The following SLIT2 variants were observed in gnomAD, a reference collection of about 807,000 sequenced individuals.
The protein encoded by SLIT2 is slit homolog 2 protein.
SLIT2 carries 41 observed loss-of-function variants against 185.7 expected under a neutral mutation model. That is an observed-to-expected ratio of 0.22 (90% confidence interval 0.17 to 0.29). SLIT2 has a LOEUF of 0.29. Among genes scored for constraint, SLIT2 ranks in the 10% least tolerant of loss-of-function variants. The pLI is 1.00. For missense variants in SLIT2, 1,571 were observed against 1,909.0 expected, an observed-to-expected ratio of 0.82 and a Z score of 3.30; for synonymous variants, 693 against 680.2, an observed-to-expected ratio of 1.02 and a Z score of -0.29.
Position 20,531,978 on chromosome 4 carries a change from C to A in SLIT2, c.1614-6C>A, listed in dbSNP as rs768914466. The A allele has an allele frequency of 1.3e-6, 2 of 1,544,420 alleles. No homozygotes were observed. Among genetic ancestry groups the A allele is most frequent in the Admixed American group, 4.4e-5 (2 of 45,488 alleles). On this transcript the variant is annotated splice_polypyrimidine_tract_variant and splice_region_variant and intron_variant, in intron 16 of 36. Coordinates refer to ENST00000504154, the MANE Select transcript of SLIT2 (RefSeq NM_004787.4). ...AAAACTTCTCTATTCCTTCTTTTTT[C>A]TTCAGGCGTCTCAATAATAATGAAT...
Position 20,619,255 on chromosome 4 carries a change from A to T in SLIT2, c.*246A>T. Reference sequence around the variant, plus strand: ...TATACCTGGAGACATTAGAACAGCGATGGGAACCATTGCAACTCGGGTCCA... The same window carrying T: ...TATACCTGGAGACATTAGAACAGCGTTGGGAACCATTGCAACTCGGGTCCA... On this transcript the variant is annotated 3_prime_UTR_variant, in exon 37 of 37. Transcript: ENST00000504154. The T allele has an allele frequency of 2.8e-6, 1 of 351,924 alleles. No homozygotes were observed. The highest frequency in any genetic ancestry group is 5.2e-5 in the East Asian group (1 of 19,070). 21.8% of individuals were successfully genotyped at this position (351,924 alleles called of 1,614,324 possible).
chr4:20,596,102 T>A (rs952374019), intron 31 of SLIT2, among the ~76,000 whole-genome samples: 6 of 152,050 alleles, frequency 3.9e-5, no homozygotes, highest in African/African-American at 1.4e-4. Flanking sequence ...AATAAAAAAA[T>A]TTTAAGACAA....
rs1033414943 is a variant in SLIT2 at position 20,515,756 on chromosome 4, A to G, written c.1059-3626A>G. ...ATCTGCCCATAACACCTTTTTCATG[A>G]TAGTCATCTTATAGGTTGCTGTTTT... is the stretch of plus-strand genomic sequence containing the variant. On this transcript the variant is annotated intron_variant, in intron 11 of 36. Coordinates refer to ENST00000504154, the MANE Select transcript of SLIT2 (RefSeq NM_004787.4). Among the ~76,000 whole-genome samples the G allele has an allele frequency of 7.2e-5, 11 of 152,212 alleles. No homozygotes were observed. The East Asian group carries it at 2.1e-3, about 29-fold the overall frequency.
intron 4 of SLIT2, among the ~76,000 whole-genome samples, chr4:20,390,121 TA>T (rs1725297981): frequency 6.6e-6 from 1 of 152,090 alleles, no homozygotes; most frequent in Non-Finnish European, 1.5e-5. Context: ...GTAACTCCAA[TA>T]TATTTCTCTG....
chr4:20,304,934 A>G (rs1717398068), intron 4 of SLIT2, among the ~76,000 whole-genome samples: 1 of 152,222 alleles, frequency 6.6e-6, no homozygotes, highest in Non-Finnish European at 1.5e-5. Flanking sequence ...TAATATATGC[A>G]GGTTAATTAC....
chr4:20,260,288 A>G (rs780370884), intron 3 of SLIT2, among the ~76,000 whole-genome samples: 1 of 151,818 alleles, frequency 6.6e-6, no homozygotes, highest in East Asian at 1.9e-4. Flanking sequence ...GAAGAAATCA[A>G]TAAATTAGCT....
At position 20,490,742 on chromosome 4, in the gene SLIT2, G is replaced by T; in HGVS notation, c.776-1019G>T. 2.7e-6 allele frequency: 3 copies of T among 1,116,912 alleles called. No homozygotes were observed. The South Asian group carries it at 4.0e-5, about 15-fold the overall frequency. 69.2% of individuals were successfully genotyped at this position (1,116,912 alleles called of 1,614,324 possible). On this transcript the variant is annotated intron_variant, in intron 8 of 36. Transcript: ENST00000504154. ...TTTTTAAAAAATTAAATAATGAAAT[G>T]ACTAACAGTTCGTTACTAACCACTT...
intron 4 of SLIT2, among the ~76,000 whole-genome samples, chr4:20,354,208 G>T (rs549342974): frequency 5.4e-5 from 8 of 148,518 alleles, no homozygotes; most frequent in Non-Finnish European, 8.9e-5. Flanking sequence ...GGAAAGGTAG[G>T]TTTTTTTTCT....
At chr4:20,297,170 G>C (rs1716564329) in intron 4 of SLIT2, among the ~76,000 whole-genome samples, 1 of 151,832 alleles carries the variant, frequency 6.6e-6, no homozygotes, top group African/African-American at 2.4e-5. Flanking sequence ...CTTTATAATA[G>C]CCTGCTTTAA....
chr4:20,541,003 C>G (rs748622245), intron 19 of SLIT2, among the ~76,000 whole-genome samples: 3 of 152,126 alleles, frequency 2.0e-5, no homozygotes, highest in African/African-American at 7.2e-5. Flanking sequence ...CTTGAGATGA[C>G]AAATTAATGA....
chr4:20,399,357 G>A (rs1441079334), intron 4 of SLIT2, among the ~76,000 whole-genome samples: 1 of 151,640 alleles, frequency 6.6e-6, no homozygotes, highest in Non-Finnish European at 1.5e-5. Context: ...GAACCAGTCA[G>A]GGTTTCAATC....
At chr4:20,467,850 T>C in intron 5 of SLIT2, 27 bp downstream of exon 5, 1 of 1,178,708 alleles carries the variant, frequency 8.5e-7, no homozygotes. Flanking sequence ...AAATTTATAG[T>C]GTTTTAAGTC....
intron 8 of SLIT2, among the ~76,000 whole-genome samples, chr4:20,490,631 C>T (rs1289622815): frequency 6.6e-6 from 1 of 151,806 alleles, no homozygotes; most frequent in South Asian, 2.1e-4. Context: ...TATTTTAGAC[C>T]CTTGTTTGTG....
chr4:20,368,219 C>CAAAAAAAAAAAAAAAAAAAAAAAAAAAG (rs71653879), intron 4 of SLIT2, among the ~76,000 whole-genome samples: 1 of 107,430 alleles, frequency 9.3e-6, no homozygotes, highest in Non-Finnish European at 1.9e-5. Flanking sequence ...CACAAAATAG[C>CAAAAAAAAAAAAAAAAAAAAAAAAAAAG]AAAAAAAAAA....
intron 29 of SLIT2, among the ~76,000 whole-genome samples, chr4:20,581,302 G>T (rs1383043793): frequency 6.6e-6 from 1 of 152,068 alleles, no homozygotes; most frequent in East Asian, 1.9e-4. Context: ...TTGGATTAGG[G>T]CCTATCCTAA....
At chr4:20,324,347 ATGT>A (rs34712351) in intron 4 of SLIT2, among the ~76,000 whole-genome samples, 99 of 139,082 alleles carry the variant, frequency 7.1e-4, no homozygotes, top group African/African-American at 2.3e-3. Context: ...TGAGGTGCTG[ATGT>A]TGTATTGGTG....
intron 4 of SLIT2, among the ~76,000 whole-genome samples, chr4:20,307,581 A>T (rs1333091291): frequency 6.6e-6 from 1 of 152,060 alleles, no homozygotes; most frequent in African/African-American, 2.4e-5. Flanking sequence ...CTTGTTAGAC[A>T]TTTGATTAAT....
chr4:20,529,408 T>C (rs1266053764), intron 16 of SLIT2, among the ~76,000 whole-genome samples: 1 of 152,186 alleles, frequency 6.6e-6, no homozygotes, highest in Non-Finnish European at 1.5e-5. Context: ...CAATTTGTTT[T>C]CTAAGTACTT....
chr4:20,571,195 A>G (rs1725576424), intron 29 of SLIT2, among the ~76,000 whole-genome samples: 1 of 152,200 alleles, frequency 6.6e-6, no homozygotes. Flanking sequence ...GTATCTGTCA[A>G]GAGCCATTTG....
Sources: gnomAD v4.1 joint callset for allele counts (sites outside exome capture counted in the v4.1 genomes callset) on GRCh38, gnomAD v4.1.1 for gene constraint, MANE v1.5 for transcripts, NCBI Gene and HGNC (gene_info 2026-07-23, HGNC 2026-07-21) for gene names.